CUL3: variants seen among roughly 807,000 people sequenced by gnomAD.
CUL3 encodes the protein cullin-3.
In CUL3, 19 loss-of-function variants were observed where a neutral mutation model predicts 89.1. That is an observed-to-expected ratio of 0.21 (90% CI 0.15 to 0.31). CUL3 has a LOEUF of 0.31. CUL3 is among the 10% of genes least tolerant of loss of function. CUL3 has a pLI of 1.00. For synonymous variants in CUL3, 351 were observed against 308.4 expected (o/e 1.14, Z -1.45); for missense variants, 469 against 942.3 (o/e 0.50, Z 6.58).
intron 1 of CUL3, chr2:224,563,177 C>A: frequency 2.2e-6 from 1 of 460,180 alleles, no homozygotes; most frequent in Admixed American, 2.5e-5. Flanking sequence ...TTAAGAATAA[C>A]ACTATGATAA....
At chr2:224,566,562 A>G (rs1695044761) in intron 1 of CUL3, among the ~76,000 whole-genome samples, 1 of 152,164 alleles carries the variant, frequency 6.6e-6, no homozygotes, top group Non-Finnish European at 1.5e-5. Flanking sequence ...CTTTGTCTCC[A>G]ATGATTTTCT....
chr2:224,481,713 T>C (rs933030426), intron 14 of CUL3, among the ~76,000 whole-genome samples, 179 bp downstream of exon 14: 3 of 152,174 alleles, frequency 2.0e-5, no homozygotes, highest in Non-Finnish European at 4.4e-5. Flanking sequence ...CTTACTGTAC[T>C]TGGATTCAAA....
At chr2:224,519,026 G>A (rs1358092147) in intron 3 of CUL3, among the ~76,000 whole-genome samples, 25 of 152,210 alleles carry the variant, frequency 1.6e-4, no homozygotes, top group Admixed American at 2.0e-4. Flanking sequence ...AGTAAAGGAA[G>A]CCAAGGCATG....
chr2:224,486,017 G>A (rs775489439), intron 13 of CUL3, among the ~76,000 whole-genome samples: 1 of 152,226 alleles, frequency 6.6e-6, no homozygotes, highest in Non-Finnish European at 1.5e-5. Flanking sequence ...GCAGAAGAGA[G>A]GCCTGATTGT....
chr2:224,502,327 G>A (rs550769657), intron 10 of CUL3, among the ~76,000 whole-genome samples: 33 of 152,272 alleles, frequency 2.2e-4, no homozygotes, highest in Middle Eastern at 3.4e-3. Flanking sequence ...TTAAGGTTAA[G>A]TTGAAAATCA....
chr2:224,539,759 AAGAG>A (rs529810408), intron 2 of CUL3, among the ~76,000 whole-genome samples: 40 of 152,226 alleles, frequency 2.6e-4, no homozygotes, highest in South Asian at 1.2e-3. Context: ...GGCAAAACTA[AAGAG>A]AGAGCAAAAA....
At chr2:224,512,496 T>TA (rs1559156259) in intron 5 of CUL3, among the ~76,000 whole-genome samples, 1 of 152,214 alleles carries the variant, frequency 6.6e-6, no homozygotes, top group Non-Finnish European at 1.5e-5. Context: ...AATGCCTTGT[T>TA]ACAGTTACCT....
intron 1 of CUL3, chr2:224,563,290 AC>A (rs1372849086): frequency 7.7e-5 from 36 of 470,536 alleles, no homozygotes; most frequent in Non-Finnish European, 1.2e-4. Flanking sequence ...CACCCTGAGA[AC>A]TCTGTCCTTG....
rs760922271 is a variant in CUL3, at chr2:224,542,511, GTGTA to G, written c.265-6874_265-6871del. ...TCTGGCTTTTTGTGTGTGTGTGTGT[GTGTA>G]TGTGTGTGTGTGTGCCAGCACTTCT... On this transcript the variant is annotated intron_variant, in intron 2 of 15. Transcript: ENST00000264414. Among the ~76,000 whole-genome samples, 1,390 of 151,032 alleles carry G rather than the reference GTGTA, an allele frequency of 9.2e-3. 21 individuals are homozygous for G. The highest frequency in any genetic ancestry group is 0.031 in the African/African-American group (1,284 of 41,060).
chr2:224,584,839 G>T, intron 1 of CUL3, 105 bp downstream of exon 1: 2 of 721,966 alleles, frequency 2.8e-6, no homozygotes, highest in South Asian at 4.3e-5. Flanking sequence ...GTGGGGGAGG[G>T]GAGGCCGGGC....
At chr2:224,541,237 T>C (rs1399911513) in intron 2 of CUL3, among the ~76,000 whole-genome samples, 4 of 149,934 alleles carry the variant, frequency 2.7e-5, no homozygotes, top group Non-Finnish European at 5.9e-5. Flanking sequence ...AAAAAACTCT[T>C]AGAACTTAGC....
intron 3 of CUL3, among the ~76,000 whole-genome samples, chr2:224,523,736 A>G (rs1017419852): frequency 6.6e-6 from 1 of 152,256 alleles, no homozygotes; most frequent in Non-Finnish European, 1.5e-5. Context: ...ATGCAGCCTT[A>G]GAAAGGAAGT....
chr2:224,561,360 G>C (rs1337054995), intron 1 of CUL3, among the ~76,000 whole-genome samples: 1 of 152,154 alleles, frequency 6.6e-6, no homozygotes, highest in Non-Finnish European at 1.5e-5. Context: ...ACAAACTTCT[G>C]ATCTGAACTG....
intron 2 of CUL3, among the ~76,000 whole-genome samples, chr2:224,540,624 G>A (rs1033059751): frequency 6.6e-6 from 1 of 152,106 alleles, no homozygotes; most frequent in Non-Finnish European, 1.5e-5. Context: ...TTCAACATGA[G>A]TATGTTTTTA....
intron 1 of CUL3, among the ~76,000 whole-genome samples, chr2:224,572,429 C>T (rs528104655): frequency 9.1e-4 from 137 of 151,236 alleles, no homozygotes; most frequent in African/African-American, 3.2e-3. Context: ...TGGATCATTT[C>T]AGCCCAGTAG....
At chr2:224,499,605 C>A in intron 11 of CUL3, 1 of 204,888 alleles carries the variant, frequency 4.9e-6, no homozygotes. Flanking sequence ...TCACTGATAA[C>A]TAATCTACAC....
At chr2:224,582,175 C>T (rs941702240) in intron 1 of CUL3, among the ~76,000 whole-genome samples, 4 of 152,032 alleles carry the variant, frequency 2.6e-5, no homozygotes, top group Non-Finnish European at 5.9e-5. Flanking sequence ...CATGTTGGCC[C>T]GGCTGGTCTC....
intron 13 of CUL3, among the ~76,000 whole-genome samples, chr2:224,488,837 G>A (rs928261432): frequency 1.3e-5 from 2 of 152,180 alleles, no homozygotes; most frequent in African/African-American, 4.8e-5. Context: ...CAGTATCCCT[G>A]AGGAACATCG....
At chr2:224,478,369 A>T (rs1408953457) in intron 14 of CUL3, 24 bp from the exon 15 acceptor site, 1 of 1,588,340 alleles carries the variant, frequency 6.3e-7, no homozygotes. Context: ...AAAGACATTT[A>T]TCATAAATCT....
Sources: gnomAD v4.1 joint callset for allele counts (sites outside exome capture counted in the v4.1 genomes callset) on GRCh38, gnomAD v4.1.1 for gene constraint, MANE v1.5 for transcripts, NCBI Gene and HGNC (gene_info 2026-07-23, HGNC 2026-07-21) for gene names.